Variants in KIDINS220 observed in about 807,000 individuals in gnomAD.
KIDINS220 encodes the protein kinase D interacting substrate 220.
In KIDINS220, 63 loss-of-function variants were observed where a neutral mutation model predicts 157.6. The observed-to-expected ratio is 0.40, with a 90% CI of 0.33 to 0.49. The LOEUF (loss-of-function observed/expected upper bound fraction) is 0.49, where lower values mean the gene tolerates loss of function less well. Among genes scored for constraint, KIDINS220 ranks in the 20% least tolerant of loss-of-function variants. The pLI, the probability that KIDINS220 is intolerant of heterozygous loss-of-function variation, is 0.66. For missense variants in KIDINS220, 1,772 were observed against 2,171.2 expected (o/e 0.82, Z 3.65); for synonymous variants, 732 against 783.6 (o/e 0.93, Z 1.10).
chr2:8,805,829 C>T (rs1675363182), intron 7 of KIDINS220, among the ~76,000 whole-genome samples: 1 of 152,178 alleles, frequency 6.6e-6, no homozygotes, highest in Non-Finnish European at 1.5e-5. Context: ...TACGGTAACA[C>T]ACTGCACAGG....
At chr2:8,832,142 T>A (rs1315712513) in intron 1 of KIDINS220, among the ~76,000 whole-genome samples, 1 of 152,140 alleles carries the variant, frequency 6.6e-6, no homozygotes, top group Non-Finnish European at 1.5e-5. Context: ...TAACATCATC[T>A]CGAATCTTCT....
At chr2:8,746,067 ACTTATTT>A (rs1347120061) in intron 26 of KIDINS220, among the ~76,000 whole-genome samples, 2 of 150,840 alleles carry the variant, frequency 1.3e-5, no homozygotes, top group Admixed American at 6.6e-5. Context: ...CTCCTCACAA[ACTTATTT>A]CTTATTAAGT....
At chr2:8,728,559 T>C (rs1180372143), downstream of KIDINS220, among the ~76,000 whole-genome samples, 1 of 152,234 alleles carries the variant, frequency 6.6e-6, no homozygotes, top group African/African-American at 2.4e-5. Context: ...ATCTGGTTTG[T>C]CAATTTCGGT....
At chr2:8,752,320 A>AG (rs1194770496) in intron 22 of KIDINS220, among the ~76,000 whole-genome samples, 1 of 151,300 alleles carries the variant, frequency 6.6e-6, no homozygotes, top group Non-Finnish European at 1.5e-5. Context: ...TCCAGTCTAA[A>AG]AATTTTTTTT....
In KIDINS220 at chr2:8,785,727, C is replaced by G; in HGVS notation, c.2229+14G>C. On this transcript the variant is annotated intron_variant, in intron 17 of 29. Transcript: ENST00000256707. ...TCGCATTACAATTTTTTCTAATAAC[C>G]AATGAGTGCTTACTTTCATGAATCC... The G allele has an allele frequency of 1.3e-6, 2 of 1,592,710 alleles. No individual in the cohort carries two copies. The highest frequency in any genetic ancestry group is 1.7e-6 in the Non-Finnish European group (2 of 1,171,800).
chr2:8,733,651 G>A lies in KIDINS220; in HGVS notation c.3846C>T (p.His1282=), dbSNP rs778414071. The A allele has an allele frequency of 1.1e-5, 18 of 1,589,096 alleles. No individual in the cohort carries two copies. Among genetic ancestry groups the A allele is most frequent in the East Asian group, 9.0e-5 (4 of 44,272 alleles). The part of the protein sequence containing the change: ...TVLEMRNAES[H]VVPEDPRFLS... ...GGAAACGTGGGTCTTCAGGGACCAC[G>A]TGGCTTTCTGCGTTTCTCATTTCTA... The change falls in exon 29 of 30, where the codon CAC becomes CAT. Residue 1282 remains histidine (H), a synonymous_variant. Transcript: ENST00000256707.
chr2:8,781,003 C>A lies in KIDINS220; in HGVS notation c.2230-1189G>T, dbSNP rs557116333. ...AATTAAAAGAGATGTCAGAGATGAT[C>A]AAAAAATAAGAGCTAATTGTATGTT... On this transcript the variant is annotated intron_variant, in intron 17 of 29. Transcript: ENST00000256707. Among the ~76,000 whole-genome samples, 3 of 151,108 alleles carry A rather than the reference C, an allele frequency of 2.0e-5. No homozygotes were observed. The East Asian group carries it at 5.8e-4, about 29-fold the overall frequency.
intron 2 of KIDINS220, among the ~76,000 whole-genome samples, chr2:8,825,544 G>T (rs934663229): frequency 6.6e-6 from 1 of 151,654 alleles, no homozygotes; most frequent in Non-Finnish European, 1.5e-5. Flanking sequence ...GTCTACACAA[G>T]ATATATATGT....
chr2:8,776,789 G>C lies in KIDINS220; in HGVS notation c.2807C>G (p.Pro936Arg), dbSNP rs202054411. 2.5e-5 allele frequency: 40 copies of C among 1,613,808 alleles called. No individual in the cohort carries two copies. The highest frequency in any genetic ancestry group is 3.4e-5 in the Non-Finnish European group (40 of 1,179,948). ...ATTAAGTAATCTTCTCATGGTCTGG[G>C]GACTGATGTCACTGAACCAGTCCTC... The part of the protein sequence containing the change: ...VTEDWFSDIS[P>R]QTMRRLLNIV... Residue 936 changes from proline (P) to arginine (R), a missense_variant, in exon 21 of 30, where the codon CCC (proline) becomes CGC (arginine). Transcript: ENST00000256707.
At chr2:8,786,057 A>G in intron 16 of KIDINS220, 27 bp from the exon 17 acceptor site, 1 of 1,580,822 alleles carries the variant, frequency 6.3e-7, no homozygotes, top group African/African-American at 1.4e-5. Context: ...GGTTTTAATA[A>G]TTAACATATC....
At chr2:8,734,841 AGTTT>A in intron 27 of KIDINS220, 88 bp from the exon 28 acceptor site, 3 of 942,532 alleles carry the variant, frequency 3.2e-6, no homozygotes, top group Non-Finnish European at 4.8e-6. Flanking sequence ...GCTTATATTT[AGTTT>A]TAAATAAGTC....
intron 11 of KIDINS220, 117 bp from the exon 12 acceptor site, chr2:8,794,104 T>A (rs1349251869): frequency 1.4e-6 from 1 of 725,170 alleles, no homozygotes; most frequent in Admixed American, 3.3e-5. Flanking sequence ...ATTTTTCATA[T>A]AAAGCACATA....
chr2:8,751,266 T>TG (rs992630415), intron 23 of KIDINS220, among the ~76,000 whole-genome samples, 200 bp downstream of exon 23: 13 of 151,508 alleles, frequency 8.6e-5, no homozygotes, highest in African/African-American at 2.4e-4. Flanking sequence ...CTTTTTTTTT[T>TG]TTTTTGTTTT....
chr2:8,831,101 A>C (rs1679549111), intron 1 of KIDINS220, among the ~76,000 whole-genome samples: 2 of 152,186 alleles, frequency 1.3e-5, no homozygotes, highest in South Asian at 4.1e-4. Context: ...TGACAGCTTT[A>C]CTACTTACAA....
chr2:8,747,388 G>A (rs1666736687), intron 25 of KIDINS220, 187 bp from the exon 26 acceptor site: 2 of 571,420 alleles, frequency 3.5e-6, no homozygotes, highest in Non-Finnish European at 6.2e-6. Flanking sequence ...TTTATCATCA[G>A]GAACCTCTAA....
At chr2:8,827,824 AC>A (rs1558503850) in intron 1 of KIDINS220, among the ~76,000 whole-genome samples, 1 of 152,234 alleles carries the variant, frequency 6.6e-6, no homozygotes, top group African/African-American at 2.4e-5. Flanking sequence ...AATTAAAATT[AC>A]ATTACTTTTT....
intron 15 of KIDINS220, 87 bp from the exon 16 acceptor site, chr2:8,786,444 T>G: frequency 2.9e-6 from 3 of 1,045,628 alleles, no homozygotes; most frequent in Non-Finnish European, 4.3e-6. Flanking sequence ...TCACTTACCC[T>G]TTATTTTCTT....
chr2:8,815,457 C>T (rs2148387912), intron 4 of KIDINS220, among the ~76,000 whole-genome samples: 1 of 151,536 alleles, frequency 6.6e-6, no homozygotes, highest in South Asian at 2.1e-4. Context: ...CACTTGAGGT[C>T]AGGAGTTTAA....
At chr2:8,791,560 T>A (rs1673198148) in intron 12 of KIDINS220, among the ~76,000 whole-genome samples, 1 of 152,202 alleles carries the variant, frequency 6.6e-6, no homozygotes, top group Non-Finnish European at 1.5e-5. Context: ...AATTGTGACA[T>A]CATGCTTTCT....
Sources: allele counts gnomAD v4.1 joint callset (sites outside exome capture counted in the v4.1 genomes callset), GRCh38; gene constraint gnomAD v4.1.1; transcripts MANE v1.5; gene names NCBI Gene and HGNC (gene_info 2026-07-23, HGNC 2026-07-21).